DLEU7: variants seen among roughly 807,000 people sequenced by gnomAD.
DLEU7 encodes the protein leukemia-associated protein 7.
DLEU7 carries 17 observed loss-of-function variants against 16.0 expected under a neutral mutation model. That is an observed-to-expected ratio of 1.06 (90% CI 0.73 to 1.59). The LOEUF is 1.59. Ranked by LOEUF, DLEU7 falls within the 40% of genes most tolerant of loss-of-function variation. The pLI is 0.00. For synonymous variants in DLEU7, 113 were observed against 139.8 expected (o/e 0.81, Z 1.35); for missense variants, 308 against 314.9 (o/e 0.98, Z 0.17).
At chr13:50,761,221 T>G (rs1874918350) in intron 1 of DLEU7, among the ~76,000 whole-genome samples, 1 of 152,130 alleles carries the variant, frequency 6.6e-6, no homozygotes, top group South Asian at 2.1e-4. Context: ...AAAGGGGCGT[T>G]GTAACTTGGG....
At chr13:50,749,078 C>T (rs896478864) in intron 1 of DLEU7, among the ~76,000 whole-genome samples, 2 of 142,118 alleles carry the variant, frequency 1.4e-5, no homozygotes, top group African/African-American at 5.1e-5. Flanking sequence ...ATCCATTGTA[C>T]CATTCTTATA....
chr13:50,737,236 A>G (rs1244132487), intron 1 of DLEU7, among the ~76,000 whole-genome samples: 3 of 152,204 alleles, frequency 2.0e-5, no homozygotes, highest in Non-Finnish European at 4.4e-5. Context: ...TTAACAAAAT[A>G]TTAGCAAATT....
chr13:50,843,229 C>G lies in DLEU7; in HGVS notation c.418G>C (p.Gly140Arg), dbSNP rs780192129. 2.5e-6 allele frequency: 4 copies of G among 1,593,302 alleles called. No homozygotes were observed. The highest frequency in any genetic ancestry group is 2.7e-5 in the African/African-American group (2 of 72,748). ...ELVSVEQTLLGPLQQERSFPI... is the reference protein window; with the variant it reads ...ELVSVEQTLLRPLQQERSFPI... Reference sequence around the variant, plus strand: ...AAGGACCGCTCCTGCTGGAGGGGCCCCAGCAGCGTCTGCTCCACGCTGACC... The same window carrying G: ...AAGGACCGCTCCTGCTGGAGGGGCCGCAGCAGCGTCTGCTCCACGCTGACC... The change falls in exon 1 of 2, where the codon GGG becomes CGG. Residue 140 changes from glycine to arginine, a missense_variant. Physicochemically the swap from Gly to Arg is moderately radical, Grantham distance 125 (BLOSUM62 -2). Coordinates refer to ENST00000504404, the MANE Select transcript of DLEU7 (RefSeq NM_001306135.2). The surrounding 1 kb of genome is among the most constrained non-coding windows in gnomAD (Gnocchi z 5.7).
At chr13:50,828,418 G>A (rs541536260) in intron 1 of DLEU7, among the ~76,000 whole-genome samples, 1 of 152,162 alleles carries the variant, frequency 6.6e-6, no homozygotes, top group Admixed American at 6.5e-5. Flanking sequence ...ATAATTCATG[G>A]ATCAGTGAAA....
intron 1 of DLEU7, among the ~76,000 whole-genome samples, chr13:50,753,292 C>T (rs911719154): frequency 1.3e-5 from 2 of 152,244 alleles, no homozygotes; most frequent in African/African-American, 4.8e-5. Context: ...CCTGCCAGTC[C>T]CACGCCATGC....
At chr13:50,747,949 C>G (rs1030432544) in intron 1 of DLEU7, among the ~76,000 whole-genome samples, 7 of 152,212 alleles carry the variant, frequency 4.6e-5, no homozygotes, top group Non-Finnish European at 1.5e-5. Flanking sequence ...GATGCCCTGT[C>G]AGGGGCTCTG....
chr13:50,802,085 G>T (rs2061625), intron 1 of DLEU7, among the ~76,000 whole-genome samples: 24,748 of 127,458 alleles, frequency 0.19, 3,849 homozygotes, highest in African/African-American at 0.45. Flanking sequence ...TCAGGAGAGA[G>T]ACAAGGCAAA....
intron 1 of DLEU7, among the ~76,000 whole-genome samples, chr13:50,752,373 G>A (rs1388585764): frequency 6.6e-6 from 1 of 151,944 alleles, no homozygotes; most frequent in Non-Finnish European, 1.5e-5. Flanking sequence ...TTTGATGTAG[G>A]CGTTTAGGGC....
At chr13:50,783,552 TC>T (rs1875714062) in intron 1 of DLEU7, among the ~76,000 whole-genome samples, 1 of 152,020 alleles carries the variant, frequency 6.6e-6, no homozygotes, top group African/African-American at 2.4e-5. Context: ...GGAGCTTCCC[TC>T]CCTAGTATGG....
At chr13:50,780,743 G>A (rs922081545) in intron 1 of DLEU7, among the ~76,000 whole-genome samples, 1 of 152,200 alleles carries the variant, frequency 6.6e-6, no homozygotes, top group Non-Finnish European at 1.5e-5. Context: ...GCACAGGGCA[G>A]AGGGAGGTGG....
Position 50,798,757 on chromosome 13 carries a change from A to G in DLEU7, c.459+44431T>C, listed in dbSNP as rs114034412. 5.5e-3 allele frequency among the ~76,000 whole-genome samples: 845 copies of G among 152,304 alleles called. 7 individuals are homozygous for G. Among genetic ancestry groups the G allele is most frequent in the African/African-American group, 0.019 (787 of 41,570 alleles). ...GACAATTCCGCTGGTCACTCCCTGTATCAGAGTGCTGGAACCTCGAGGAGA... is the reference window on the plus strand; with the variant it reads ...GACAATTCCGCTGGTCACTCCCTGTGTCAGAGTGCTGGAACCTCGAGGAGA... On this transcript the variant is annotated intron_variant, in intron 1 of 1. Transcript: ENST00000400393.
chr13:50,750,082 T>A (rs1332507438), intron 1 of DLEU7, among the ~76,000 whole-genome samples: 1 of 152,236 alleles, frequency 6.6e-6, no homozygotes, highest in Non-Finnish European at 1.5e-5. Context: ...TAGATTTAAG[T>A]CCTTAATCCA....
At chr13:50,793,951 C>T (rs1388540745) in intron 1 of DLEU7, among the ~76,000 whole-genome samples, 2 of 152,092 alleles carry the variant, frequency 1.3e-5, no homozygotes, top group African/African-American at 4.8e-5. Flanking sequence ...AAGCATATTT[C>T]CTAGGTTTCT....
intron 1 of DLEU7, among the ~76,000 whole-genome samples, chr13:50,786,316 A>G (rs546752974): frequency 3.9e-5 from 6 of 152,184 alleles, no homozygotes; most frequent in Admixed American, 2.0e-4. Context: ...ACAGCAAATT[A>G]TGTAATTGCC....
intron 1 of DLEU7, among the ~76,000 whole-genome samples, chr13:50,752,973 A>G (rs897000527): frequency 6.6e-6 from 1 of 151,998 alleles, no homozygotes; most frequent in African/African-American, 2.4e-5. Flanking sequence ...TGCCTTTACA[A>G]TCCCTGAGCT....
At chr13:50,826,773 G>A (rs1462694990) in intron 1 of DLEU7, among the ~76,000 whole-genome samples, 1 of 152,090 alleles carries the variant, frequency 6.6e-6, no homozygotes, top group African/African-American at 2.4e-5. Flanking sequence ...ACTCTTAAAG[G>A]CAATCAGAAA....
intron 1 of DLEU7, among the ~76,000 whole-genome samples, chr13:50,717,570 T>G (rs1329838486): frequency 1.3e-5 from 2 of 150,838 alleles, no homozygotes; most frequent in Admixed American, 1.3e-4. Flanking sequence ...TCTCATTAGC[T>G]AGGCTGTGGG....
chr13:50,815,592 A>G (rs1014233158), intron 1 of DLEU7, among the ~76,000 whole-genome samples: 1 of 152,180 alleles, frequency 6.6e-6, no homozygotes, highest in Non-Finnish European at 1.5e-5. Context: ...TTCTGCAAGC[A>G]GACTAGAGGG....
intron 1 of DLEU7, among the ~76,000 whole-genome samples, chr13:50,734,289 G>T (rs1336955647): frequency 6.6e-6 from 1 of 152,150 alleles, no homozygotes; most frequent in Non-Finnish European, 1.5e-5. Flanking sequence ...TGTGAAATTA[G>T]ACCTGATAGA....
Sources: allele counts gnomAD v4.1 joint callset (sites outside exome capture counted in the v4.1 genomes callset), GRCh38; gene constraint gnomAD v4.1.1; non-coding constraint Gnocchi (gnomAD v3.1); transcripts MANE v1.5; gene names NCBI Gene and HGNC (gene_info 2026-07-23, HGNC 2026-07-21).